Variants in PPP1R1C observed in about 807,000 individuals in gnomAD.
PPP1R1C encodes protein phosphatase 1 regulatory inhibitor subunit 1C.
A neutral mutation model predicts 17.4 loss-of-function variants in PPP1R1C; 15 were observed. The observed-to-expected ratio is 0.86, with a 90% CI of 0.58 to 1.33. The LOEUF is 1.33. Among genes scored for constraint, PPP1R1C ranks in the 40% most tolerant of loss-of-function variants. The pLI, the probability that PPP1R1C is intolerant of heterozygous loss-of-function variation, is 0.00. For synonymous variants in PPP1R1C, 35 were observed against 43.1 expected (o/e 0.81, Z 0.73); for missense variants, 143 against 130.0 (o/e 1.10, Z -0.48).
In PPP1R1C at chr2:182,086,988, G is replaced by C. The variant is rs1688647288; in HGVS notation, c.241+23197G>C. Among the ~76,000 whole-genome samples the C allele has an allele frequency of 2.0e-5, 3 of 150,902 alleles. No individual in the cohort carries two copies. The South Asian group carries it at 6.3e-4, about 31-fold the overall frequency. The stretch of plus-strand genomic sequence containing the variant: ...AGTTAATGGCCTCTTCATCCTTCTA[G>C]TTGCACAGGCCAAACACTTTAGTCT... On this transcript the variant is annotated intron_variant, in intron 4 of 4. Transcript: ENST00000682840.
chr2:182,033,938 C>A (rs1292942813), intron 2 of PPP1R1C, among the ~76,000 whole-genome samples: 1 of 152,180 alleles, frequency 6.6e-6, no homozygotes, highest in East Asian at 1.9e-4. Context: ...TCTGTTCCTG[C>A]AAAACTCTTC....
At chr2:182,080,765 T>G (rs1471472400) in intron 4 of PPP1R1C, among the ~76,000 whole-genome samples, 1 of 152,168 alleles carries the variant, frequency 6.6e-6, no homozygotes, top group Non-Finnish European at 1.5e-5. Flanking sequence ...ACCCACAACA[T>G]TTAAATAAAG....
At position 181,967,667 on chromosome 2, in the gene PPP1R1C, C is replaced by T. The variant is rs1684927707; in HGVS notation, n.112-7552C>T. Among the ~76,000 whole-genome samples the T allele has an allele frequency of 6.6e-6, 1 of 151,788 alleles. No individual in the cohort carries two copies. The highest frequency in any genetic ancestry group is 2.4e-5 in the African/African-American group (1 of 41,350). On this transcript the variant is annotated intron_variant and non_coding_transcript_variant, in intron 1 of 5. Coordinates refer to the PPP1R1C transcript ENST00000464264. The surrounding 1 kb of genome is among the most constrained non-coding windows in gnomAD (Gnocchi z 5.5). ...TTCCTTCCTCCCTCCCTCCCTCCTT[C>T]TCTCTCTCTTTCCTTCCTTCCTTCC...
chr2:182,108,502 A>G (rs531852562), intron 4 of PPP1R1C, among the ~76,000 whole-genome samples: 25 of 152,278 alleles, frequency 1.6e-4, no homozygotes, highest in African/African-American at 6.0e-4. Flanking sequence ...AATGTTGTCT[A>G]CATAATGATG....
At chr2:182,112,614 A>C (rs906889376) in intron 4 of PPP1R1C, among the ~76,000 whole-genome samples, 1 of 152,306 alleles carries the variant, frequency 6.6e-6, no homozygotes, top group Admixed American at 6.5e-5. Flanking sequence ...GCCAATAACC[A>C]CTATGGGAAT....
chr2:181,999,397 G>A (rs1416026443), intron 2 of PPP1R1C, among the ~76,000 whole-genome samples: 1 of 152,144 alleles, frequency 6.6e-6, no homozygotes, highest in Non-Finnish European at 1.5e-5. Context: ...CAGAGAGAGG[G>A]TGATGGGTGA....
At chr2:182,062,405 A>G (rs1178734480) in intron 3 of PPP1R1C, among the ~76,000 whole-genome samples, 1 of 152,102 alleles carries the variant, frequency 6.6e-6, no homozygotes, top group Admixed American at 6.6e-5. Flanking sequence ...AAATATGTGT[A>G]TGGAAGTAAA....
chr2:182,034,217 C>G (rs1686932226), intron 2 of PPP1R1C, among the ~76,000 whole-genome samples: 2 of 151,992 alleles, frequency 1.3e-5, no homozygotes, highest in African/African-American at 4.8e-5. Context: ...GACAGGAAGA[C>G]AAAGTTAAAT....
At chr2:182,044,092 C>G (rs1191312422) in intron 2 of PPP1R1C, among the ~76,000 whole-genome samples, 1 of 152,214 alleles carries the variant, frequency 6.6e-6, no homozygotes, top group Middle Eastern at 3.2e-3. Context: ...AAGCATCTCT[C>G]TCACCTGGTT....
intron 4 of PPP1R1C, among the ~76,000 whole-genome samples, chr2:182,072,253 A>G (rs1245566156): frequency 6.6e-6 from 1 of 152,168 alleles, no homozygotes; most frequent in Non-Finnish European, 1.5e-5. Context: ...TTTTATGCCT[A>G]ATGGAGTGTT....
chr2:181,970,266 T>C (rs1275867417), intron 1 of PPP1R1C, among the ~76,000 whole-genome samples: 2 of 152,150 alleles, frequency 1.3e-5, no homozygotes, highest in African/African-American at 4.8e-5. Context: ...TTTGTACCCA[T>C]CCTTCTTGAG....
chr2:182,123,184 C>T (rs188899492), intron 5 of PPP1R1C, among the ~76,000 whole-genome samples: 2 of 152,300 alleles, frequency 1.3e-5, no homozygotes, highest in East Asian at 3.9e-4. Flanking sequence ...GACAAGAACT[C>T]ATTCTTTTTA....
chr2:182,087,144 A>G (rs1688651586), intron 4 of PPP1R1C, among the ~76,000 whole-genome samples: 1 of 152,220 alleles, frequency 6.6e-6, no homozygotes, highest in Non-Finnish European at 1.5e-5. Flanking sequence ...TGAGCTGTCG[A>G]TAGTTTTCAC....
intron 4 of PPP1R1C, among the ~76,000 whole-genome samples, chr2:182,082,371 T>G (rs981520533): frequency 6.6e-6 from 1 of 152,182 alleles, no homozygotes; most frequent in Non-Finnish European, 1.5e-5. Flanking sequence ...TCAAGCAGGT[T>G]TCAAATTATG....
chr2:182,031,667 C>T (rs1389492594), intron 2 of PPP1R1C, among the ~76,000 whole-genome samples: 3 of 152,102 alleles, frequency 2.0e-5, no homozygotes, highest in Non-Finnish European at 4.4e-5. Flanking sequence ...ATTTTAGTCC[C>T]ATTGCAATAT....
At chr2:182,046,204 C>A (rs574405312) in intron 2 of PPP1R1C, among the ~76,000 whole-genome samples, 7 of 151,534 alleles carry the variant, frequency 4.6e-5, no homozygotes, top group East Asian at 3.9e-4. Context: ...TAGCAAAGTA[C>A]CAGTGTGAAT....
At chr2:182,057,262 A>C (rs926509344) in intron 2 of PPP1R1C, among the ~76,000 whole-genome samples, 6 of 152,190 alleles carry the variant, frequency 3.9e-5, no homozygotes, top group African/African-American at 1.4e-4. Context: ...AATGGACATG[A>C]TATAGGGAAT....
In PPP1R1C at chr2:182,079,546, G is replaced by A. The variant is rs558277598; in HGVS notation, c.241+15755G>A. Among the ~76,000 whole-genome samples the A allele has an allele frequency of 7.9e-5, 12 of 152,336 alleles. No homozygotes were observed. In the East Asian group the frequency reaches 2.1e-3, roughly 27 times the overall value. On this transcript the variant is annotated intron_variant, in intron 4 of 4. Coordinates refer to ENST00000682840, the MANE Select transcript of PPP1R1C (RefSeq NM_001080545.3). ...TCCATTTAACTGTCTGACCTTGAGA[G>A]AGTGGGTTGGATGCCTCATCTGTGC...
intron 4 of PPP1R1C, among the ~76,000 whole-genome samples, chr2:182,108,377 C>T (rs1236480826): frequency 1.3e-5 from 2 of 151,942 alleles, no homozygotes; most frequent in Non-Finnish European, 2.9e-5. Flanking sequence ...TTTTCTGTGC[C>T]ATCCTGTTCT....
Sources: allele counts gnomAD v4.1 joint callset (sites outside exome capture counted in the v4.1 genomes callset), GRCh38; gene constraint gnomAD v4.1.1; non-coding constraint Gnocchi (gnomAD v3.1); transcripts MANE v1.5; gene names NCBI Gene and HGNC (gene_info 2026-07-23, HGNC 2026-07-21).